Variants in BANP observed in about 807,000 individuals in gnomAD.
The protein encoded by BANP is protein BANP.
In BANP, 11 loss-of-function variants were observed where a neutral mutation model predicts 68.1. The observed-to-expected ratio is 0.16, with a 90% CI of 0.10 to 0.27. BANP has a LOEUF of 0.27. BANP is among the 10% of genes least tolerant of loss of function. The probability of loss-of-function intolerance (pLI) is 1.00; values close to 1 mark genes in which losing one functional copy is unlikely to be tolerated. For missense variants in BANP, 504 were observed against 722.7 expected (o/e 0.70, Z 3.47); for synonymous variants, 329 against 303.2 (o/e 1.09, Z -0.88).
intron 7 of BANP, among the ~76,000 whole-genome samples, chr16:88,026,087 T>C (rs7186339): frequency 0.6 from 90,434 of 151,658 alleles, 29,467 homozygotes; most frequent in Non-Finnish European, 0.75. Flanking sequence ...GTTTTCTCCC[T>C]GTTGAATACA....
chr16:88,009,526 A>T (rs2072371253), intron 6 of BANP, among the ~76,000 whole-genome samples: 1 of 152,196 alleles, frequency 6.6e-6, no homozygotes, highest in African/African-American at 2.4e-5. Flanking sequence ...ATTTTATTCT[A>T]GTTTTTTTCA....
At chr16:87,992,064 C>CATGA (rs913317698) in intron 4 of BANP, among the ~76,000 whole-genome samples, 156 of 152,330 alleles carry the variant, frequency 1.0e-3, no homozygotes, top group African/African-American at 3.7e-3. Flanking sequence ...AGTTTTTTCT[C>CATGA]ATGAATGAAT....
At position 88,057,685 on chromosome 16, in the gene BANP, G is replaced by C. The variant is rs1031024266; in HGVS notation, c.1312-7582G>C. 1.6e-4 allele frequency among the ~76,000 whole-genome samples: 22 copies of C among 139,118 alleles called. No individual in the cohort carries two copies. The highest frequency in any genetic ancestry group is 5.7e-4 in the African/African-American group (22 of 38,604). 91.3% of individuals were successfully genotyped at this position (139,118 alleles called of 152,430 possible). On this transcript the variant is annotated intron_variant, in intron 11 of 13. Transcript: ENST00000682872. The surrounding 1 kb of genome is among the most constrained non-coding windows in gnomAD (Gnocchi z 4.6). ...CTGGTTCTTACATCCCAGAAGGGAAGTTGCGGCACTGTGCGAGACAGTCTG... is the reference window on the plus strand; with the variant it reads ...CTGGTTCTTACATCCCAGAAGGGAACTTGCGGCACTGTGCGAGACAGTCTG...
chr16:88,035,192 C>T (rs1270233480), intron 9 of BANP, 131 bp from the exon 10 acceptor site: 51 of 831,996 alleles, frequency 6.1e-5, no homozygotes, highest in Non-Finnish European at 9.5e-5. Flanking sequence ...GACTATATTG[C>T]ACTATTCAGG....
chr16:88,065,516 G>C (rs1366290172), intron 12 of BANP, among the ~76,000 whole-genome samples, 184 bp downstream of exon 12: 2 of 152,204 alleles, frequency 1.3e-5, no homozygotes, highest in African/African-American at 4.8e-5. Flanking sequence ...CCTAAACAGG[G>C]CCCAGGGATT....
rs1216044373 is a variant in BANP at position 87,993,613 on chromosome 16, C to G, written c.362+9354C>G. Among the ~76,000 whole-genome samples, 4 of 90,562 alleles carry G rather than the reference C, an allele frequency of 4.4e-5. No individual in the cohort carries two copies. The East Asian group carries it at 8.4e-4, about 19-fold the overall frequency. 59.4% of individuals were successfully genotyped at this position (90,562 alleles called of 152,430 possible). A position where few individuals can be genotyped will look rare whatever the true frequency, so the allele number is the denominator to read the frequency against. On this transcript the variant is annotated intron_variant, in intron 4 of 13. Coordinates refer to ENST00000682872, the MANE Select transcript of BANP (RefSeq NM_001386991.1). ...GTGGTTTTTTTTTTTCCCTTTTTTT[C>G]TTTTGAGACAGAGTTTTGTTCTTGT...
At chr16:87,972,652 G>C (rs751162470) in intron 1 of BANP, among the ~76,000 whole-genome samples, 3 of 152,106 alleles carry the variant, frequency 2.0e-5, no homozygotes, top group Non-Finnish European at 4.4e-5. Context: ...AGTGTTTTGG[G>C]TTCTTTCCTG....
chr16:88,040,789 C>G (rs116529224), intron 11 of BANP, among the ~76,000 whole-genome samples: 1,917 of 152,342 alleles, frequency 0.013, 46 homozygotes, highest in African/African-American at 0.044. Flanking sequence ...CACGCTTGTT[C>G]CAGGTGGTTG....
intron 7 of BANP, among the ~76,000 whole-genome samples, chr16:88,023,499 G>A (rs1482949735): frequency 4.6e-5 from 7 of 151,192 alleles, no homozygotes; most frequent in Admixed American, 2.0e-4. Context: ...CTGTCACGTC[G>A]AGTCTGTAAT....
chr16:87,981,275 C>T (rs990324657), intron 3 of BANP, 148 bp downstream of exon 3: 20 of 663,314 alleles, frequency 3.0e-5, no homozygotes, highest in Non-Finnish European at 4.6e-5. Flanking sequence ...GGCAGGGTCT[C>T]GCTCCCTCCA....
intron 4 of BANP, among the ~76,000 whole-genome samples, chr16:87,999,093 C>A (rs1158373303): frequency 6.9e-6 from 1 of 145,820 alleles, no homozygotes; most frequent in African/African-American, 2.5e-5. Flanking sequence ...CGCGGCTGTA[C>A]TTGCCTGTCC....
In BANP at chr16:88,057,767, G is replaced by A. The variant is rs2085496214; in HGVS notation, c.1312-7500G>A. On this transcript the variant is annotated intron_variant, in intron 11 of 13. Transcript: ENST00000682872. This position sits in a 1 kb window ranked among gnomAD's most constrained non-coding sequence, Gnocchi z 4.6. ...ATCTGGGTGGGGCGGGGGGGGGGGT[G>A]CGTGCAGTGACTCGCGCTGGCCCTG... Among the ~76,000 whole-genome samples, 2 of 85,618 alleles carry A rather than the reference G, an allele frequency of 2.3e-5. No individual in the cohort carries two copies. Among genetic ancestry groups the A allele is most frequent in the Admixed American group, 2.6e-4 (2 of 7,658 alleles). The allele number at this position is 85,618 out of a possible 152,430, so 56.2% of individuals were successfully genotyped here.
At chr16:87,984,790 A>C (rs1186993260) in intron 4 of BANP, among the ~76,000 whole-genome samples, 1 of 152,122 alleles carries the variant, frequency 6.6e-6, no homozygotes, top group African/African-American at 2.4e-5. Flanking sequence ...CTTGGTGTCC[A>C]CTCATCCGAG....
At chr16:88,066,475 G>A (rs573621686) in intron 12 of BANP, among the ~76,000 whole-genome samples, 2 of 152,322 alleles carry the variant, frequency 1.3e-5, no homozygotes, top group South Asian at 2.1e-4. Flanking sequence ...GAAGGAGCTC[G>A]AAGGAACCCA....
intron 8 of BANP, among the ~76,000 whole-genome samples, chr16:88,029,224 T>A (rs12935186): frequency 0.28 from 41,385 of 146,062 alleles, 7,431 homozygotes; most frequent in Non-Finnish European, 0.42. Flanking sequence ...GGAGAATTGC[T>A]TGAATCCAGG....
chr16:88,037,954 C>G lies in BANP; in HGVS notation c.1273-19C>G, dbSNP rs368943863. 3.7e-6 allele frequency: 6 copies of G among 1,613,284 alleles called. No homozygotes were observed. The highest frequency in any genetic ancestry group is 5.1e-6 in the Non-Finnish European group (6 of 1,179,264). ...GTGTGTTTCTACTCATGACCGTCTCCTCCTCTCGTTCTTTGTAGGGCAACC... is the reference window on the plus strand; with the variant it reads ...GTGTGTTTCTACTCATGACCGTCTCGTCCTCTCGTTCTTTGTAGGGCAACC... On this transcript the variant is annotated intron_variant, in intron 10 of 13. Transcript: ENST00000682872.
intron 7 of BANP, among the ~76,000 whole-genome samples, chr16:88,022,191 C>G (rs181041526): frequency 6.6e-6 from 1 of 152,342 alleles, no homozygotes; most frequent in Non-Finnish European, 1.5e-5. Context: ...CCTGTTTTCT[C>G]TATGAAGAGA....
At chr16:88,020,329 C>T (rs1443454922) in intron 7 of BANP, among the ~76,000 whole-genome samples, 3 of 152,254 alleles carry the variant, frequency 2.0e-5, no homozygotes, top group Non-Finnish European at 4.4e-5. Context: ...CCACCACCCC[C>T]TCCACCCTCT....
At chr16:88,044,540 AT>A (rs2081523150) in intron 11 of BANP, among the ~76,000 whole-genome samples, 1 of 152,146 alleles carries the variant, frequency 6.6e-6, no homozygotes, top group Non-Finnish European at 1.5e-5. Flanking sequence ...CATTGCATTG[AT>A]TTTGCAACCC....
Sources: allele counts gnomAD v4.1 joint callset (sites outside exome capture counted in the v4.1 genomes callset), GRCh38; gene constraint gnomAD v4.1.1; non-coding constraint Gnocchi (gnomAD v3.1); transcripts MANE v1.5; gene names NCBI Gene and HGNC (gene_info 2026-07-23, HGNC 2026-07-21).